Variants in SHROOM2 observed in about 807,000 individuals in gnomAD.
SHROOM2 encodes protein Shroom2.
In SHROOM2, 33 loss-of-function variants were observed where a neutral mutation model predicts 75.9. The ratio of observed to expected loss-of-function variants is 0.43; its 90% CI spans 0.33 to 0.58. The LOEUF is 0.58. Among genes scored for constraint, SHROOM2 ranks in the 20% least tolerant of loss-of-function variants. The probability of loss-of-function intolerance (pLI) is 0.04; values close to 1 mark genes in which losing one functional copy is unlikely to be tolerated. For synonymous variants in SHROOM2, 655 were observed against 663.6 expected (o/e 0.99, Z 0.20); for missense variants, 1,434 against 1,461.2 (o/e 0.98, Z 0.30).
At chrX:9,792,454 G>GTTTTT (rs34640554) in intron 1 of SHROOM2, among the ~76,000 whole-genome samples, 9 of 98,229 alleles carry the variant, frequency 9.2e-5, no homozygotes, top group Non-Finnish European at 1.5e-4. Flanking sequence ...GTTTTTTTGT[G>GTTTTT]TTGTTTTTTT....
Position 9,792,159 on chromosome X carries a change from T to TAAATAGAATAGAATAGAATAGA in SHROOM2, c.165+5451_165+5452insATAGAATAGAATAGAATAGAAA, listed in dbSNP as rs1240744489. 2.7e-4 allele frequency among the ~76,000 whole-genome samples: 2 copies of TAAATAGAATAGAATAGAATAGA among 7,413 alleles called. 1 individual carries two copies. The highest frequency in any genetic ancestry group is 8.7e-4 in the Non-Finnish European group (2 of 2,294). The allele number at this position is 7,413 out of a possible 115,157, so 6.4% of individuals were successfully genotyped here. A position where few individuals can be genotyped will look rare whatever the true frequency, so the allele number is the denominator to read the frequency against. ...TAGAATAGAATAGAATAGAATAGAA[T>TAAATAGAATAGAATAGAATAGA]AATCACCAGTATCTGATACAGGGAG... On this transcript the variant is annotated intron_variant, in intron 1 of 9. Coordinates refer to ENST00000380913, the MANE Select transcript of SHROOM2 (RefSeq NM_001649.4).
At chrX:9,931,742 C>T (rs1318251053) in intron 5 of SHROOM2, among the ~76,000 whole-genome samples, 1 of 111,785 alleles carries the variant, frequency 8.9e-6, no homozygotes, top group Non-Finnish European at 1.9e-5. Context: ...GAAAGGTTTA[C>T]CCCTTTGTAT....
At chrX:9,808,159 AG>A (rs2083766546) in intron 1 of SHROOM2, among the ~76,000 whole-genome samples, 2 of 111,361 alleles carry the variant, frequency 1.8e-5, no homozygotes, top group African/African-American at 6.5e-5. Context: ...TCACCCTCTC[AG>A]ATTAAAGGTG....
intron 1 of SHROOM2, among the ~76,000 whole-genome samples, chrX:9,832,301 G>A (rs1173524388): frequency 2.7e-5 from 3 of 111,007 alleles, no homozygotes; most frequent in African/African-American, 6.6e-5. Context: ...GGGAGGTAAC[G>A]CCCACCCTGT....
At chrX:9,834,645 TATTTA>T (rs386823871) in intron 1 of SHROOM2, among the ~76,000 whole-genome samples, 2 of 107,305 alleles carry the variant, frequency 1.9e-5, no homozygotes, top group Non-Finnish European at 3.8e-5. Context: ...TTTATTTATT[TATTTA>T]TTTTCTTTGA....
intron 1 of SHROOM2, among the ~76,000 whole-genome samples, chrX:9,857,837 A>C (rs1409838416): frequency 4.5e-5 from 5 of 111,108 alleles, no homozygotes; most frequent in Non-Finnish European, 9.4e-5. Context: ...CCCCATGAGC[A>C]GTCACTACCC....
rs1375906501 is a variant in SHROOM2, at chrX:9,947,895, TCCTC to T, written c.*959_*962del. On this transcript the variant is annotated 3_prime_UTR_variant, in exon 10 of 10. Coordinates refer to ENST00000380913, the MANE Select transcript of SHROOM2 (RefSeq NM_001649.4). ...ACATTCCATGGACGGGAAGACCCCT[TCCTC>T]TTCAGAGGTCCCGTGGACTACACAG... 2 of 112,345 alleles carry T rather than the reference TCCTC, an allele frequency of 1.8e-5. No individual in the cohort carries two copies. Among genetic ancestry groups the T allele is most frequent in the Non-Finnish European group, 3.8e-5 (2 of 53,318 alleles). The allele number at this position is 112,345 out of a possible 1,213,427, so 9.3% of individuals were successfully genotyped here.
At chrX:9,875,029 C>CATGATTGT (rs1282016271) in intron 2 of SHROOM2, among the ~76,000 whole-genome samples, 5 of 82,010 alleles carry the variant, frequency 6.1e-5, no homozygotes, top group Non-Finnish European at 1.1e-4. Context: ...TACAACGAGC[C>CATGATTGT]ATGATTGTGC....
chrX:9,860,187 A>C (rs1025824910), intron 1 of SHROOM2, among the ~76,000 whole-genome samples: 2 of 111,829 alleles, frequency 1.8e-5, no homozygotes, highest in African/African-American at 6.5e-5. Flanking sequence ...AGTCCCCTGC[A>C]ATACCCAGGG....
chrX:9,858,693 T>C (rs546754671), intron 1 of SHROOM2, among the ~76,000 whole-genome samples: 383 of 111,576 alleles, frequency 3.4e-3, no homozygotes, highest in African/African-American at 0.012. Flanking sequence ...TAGTCCCAGC[T>C]ACTTGGGAGG....
rs1434034562 is a variant in SHROOM2 at position 9,895,050 on chromosome X, G to T, written c.1142G>T (p.Gly381Val). The change falls in exon 4 of 10, where the codon GGA becomes GTA. Residue 381 changes from glycine (G) to valine (V), a missense_variant. Gly to Val is a moderately radical substitution (Grantham distance 109). This residue lies in a region of SHROOM2 where 1,340 missense variants were observed against 1,338.3 expected (regional missense o/e 1.00). Coordinates refer to ENST00000380913, the MANE Select transcript of SHROOM2 (RefSeq NM_001649.4). Reference sequence around the variant, plus strand: ...GCACACCCGGGGAGCCTCGGGAAGGGATCGGGAGGCCCGGGCTGCCCACAG... The same window carrying T: ...GCACACCCGGGGAGCCTCGGGAAGGTATCGGGAGGCCCGGGCTGCCCACAG... ...RSAHPGSLGK[G>V]SGGPGCPQEA... The T allele has an allele frequency of 1.7e-6, 2 of 1,205,846 alleles. No individual in the cohort carries two copies. Among genetic ancestry groups the T allele is most frequent in the Non-Finnish European group, 2.2e-6 (2 of 893,066 alleles).
At chrX:9,847,598 G>A (rs890160536) in intron 1 of SHROOM2, among the ~76,000 whole-genome samples, 1 of 112,312 alleles carries the variant, frequency 8.9e-6, no homozygotes, top group Non-Finnish European at 1.9e-5. Flanking sequence ...AGAATAGCTT[G>A]CAAAACGGCC....
In SHROOM2 at chrX:9,896,006, C is replaced by T. The variant is rs866316542; in HGVS notation, c.2098C>T (p.Arg700Cys). Residue 700 changes from arginine to cysteine, a missense_variant, in exon 4 of 10, where the codon CGC becomes TGC. Arg to Cys is a radical substitution (Grantham distance 180). Transcript: ENST00000380913. ...CCTGAGGGCCACGTCCTTCAAGCGC[C>T]GCGACTTGGACCCCAACCCAGGAGA... is the stretch of plus-strand genomic sequence containing the variant. ...RVLRATSFKR[R>C]DLDPNPGDLY... 7.5e-6 allele frequency: 9 copies of T among 1,207,079 alleles called. No homozygotes were observed. Among genetic ancestry groups the T allele is most frequent in the South Asian group, 7.1e-5 (4 of 56,309 alleles).
At chrX:9,937,841 T>C (rs1468093674) in intron 7 of SHROOM2, among the ~76,000 whole-genome samples, 156 bp downstream of exon 7, 1 of 112,280 alleles carries the variant, frequency 8.9e-6, no homozygotes, top group African/African-American at 3.2e-5. Flanking sequence ...TTTGGCTTTT[T>C]TGTGAGCCTC....
chrX:9,845,637 C>A lies in SHROOM2; in HGVS notation c.166-28015C>A, dbSNP rs1467528490. On this transcript the variant is annotated intron_variant, in intron 1 of 9. Coordinates refer to ENST00000380913, the MANE Select transcript of SHROOM2 (RefSeq NM_001649.4). ...CAAAGGACTCAGAGCCAGGACCTGG[C>A]CCTCACCTCTGCGCACACCAGCCCA... Among the ~76,000 whole-genome samples, 7 of 109,654 alleles carry A rather than the reference C, an allele frequency of 6.4e-5. No homozygotes were observed. In the Admixed American group the frequency reaches 6.9e-4, roughly 11 times the overall value.
intron 2 of SHROOM2, among the ~76,000 whole-genome samples, chrX:9,874,404 C>G (rs1317550224): frequency 8.9e-6 from 1 of 112,058 alleles, no homozygotes; most frequent in Non-Finnish European, 1.9e-5. Context: ...ATGTCGCTTT[C>G]AAAGAGAAAT....
At chrX:9,843,348 T>C (rs2083989405) in intron 1 of SHROOM2, among the ~76,000 whole-genome samples, 1 of 111,245 alleles carries the variant, frequency 9.0e-6, no homozygotes, top group Non-Finnish European at 1.9e-5. Context: ...TTTCCTTAGT[T>C]TCCCAGTTTC....
At chrX:9,853,961 T>C (rs921533208) in intron 1 of SHROOM2, among the ~76,000 whole-genome samples, 4 of 111,964 alleles carry the variant, frequency 3.6e-5, no homozygotes, top group Non-Finnish European at 7.5e-5. Flanking sequence ...CCATGCCTTA[T>C]GGAGAAAGCC....
intron 2 of SHROOM2, among the ~76,000 whole-genome samples, chrX:9,881,098 TTAAA>T (rs915780478): frequency 1.8e-5 from 2 of 110,857 alleles, no homozygotes; most frequent in Non-Finnish European, 3.8e-5. Flanking sequence ...AGTGGGCTGA[TTAAA>T]TAACTCGAGT....
Sources: gnomAD v4.1 joint callset for allele counts (sites outside exome capture counted in the v4.1 genomes callset) on GRCh38, gnomAD v4.1.1 for gene constraint, gnomAD v4.1.1 regional missense constraint, MANE v1.5 for transcripts, NCBI Gene and HGNC (gene_info 2026-07-23, HGNC 2026-07-21) for gene names.